TRDN: variants seen among roughly 807,000 people sequenced by gnomAD.
The protein encoded by TRDN is triadin in skeletal muscle.
TRDN carries 161 observed loss-of-function variants against 149.7 expected under a neutral mutation model. The observed-to-expected ratio is 1.08, with a 90% CI of 0.95 to 1.23. The LOEUF is 1.23. Among genes scored for constraint, TRDN ranks in the 50% most tolerant of loss-of-function variants. TRDN has a pLI of 0.00. For missense variants in TRDN, 896 were observed against 823.5 expected (o/e 1.09, Z -1.08); for synonymous variants, 294 against 250.5 (o/e 1.17, Z -1.64).
At chr6:123,621,215 A>C (rs1010527299) in intron 1 of TRDN, among the ~76,000 whole-genome samples, 32 of 152,138 alleles carry the variant, frequency 2.1e-4, no homozygotes, top group African/African-American at 6.0e-4. Flanking sequence ...AACTCTGAGA[A>C]GTCCTTAGGA....
chr6:123,399,246 AC>A (rs1772860728), intron 12 of TRDN, among the ~76,000 whole-genome samples: 1 of 152,172 alleles, frequency 6.6e-6, no homozygotes, highest in Non-Finnish European at 1.5e-5. Context: ...GCATAGGAAA[AC>A]AGAAAATGAT....
At chr6:123,464,299 T>A in intron 10 of TRDN, 1 of 984,856 alleles carries the variant, frequency 1.0e-6, no homozygotes, top group Non-Finnish European at 1.2e-6. Context: ...AGACATCATA[T>A]TTTCAAGAAT....
chr6:123,411,327 G>A (rs1368254453), intron 12 of TRDN, among the ~76,000 whole-genome samples: 3 of 152,046 alleles, frequency 2.0e-5, no homozygotes, highest in Non-Finnish European at 4.4e-5. Context: ...TTAGAAGCAT[G>A]AGCCACCGCA....
chr6:123,470,112 A>G (rs1777068139), intron 9 of TRDN: 1 of 152,094 alleles, frequency 6.6e-6, no homozygotes, highest in South Asian at 2.1e-4. Context: ...CCGTACCCTT[A>G]TTCTTTTATT....
intron 1 of TRDN, among the ~76,000 whole-genome samples, chr6:123,585,546 G>A (rs1783429517): frequency 6.6e-6 from 1 of 152,200 alleles, no homozygotes; most frequent in Non-Finnish European, 1.5e-5. Flanking sequence ...CGATTGGGCA[G>A]CGTCAGTCTT....
At chr6:123,356,247 C>T (rs1780666746) in intron 20 of TRDN, among the ~76,000 whole-genome samples, 1 of 151,316 alleles carries the variant, frequency 6.6e-6, no homozygotes, top group African/African-American at 2.4e-5. Context: ...ATGATGTTTG[C>T]TAATGGTTTT....
rs1197504661 is a variant in TRDN, at chr6:123,366,125, C to A, written c.1321+10G>T. 6.2e-7 allele frequency: 1 copy of A among 1,608,438 alleles called. No individual in the cohort carries two copies. ...TAGTTATGACATCTTTATCTTTAAG[C>A]TGCATTTACCTTTTTTAATTGAAAC... On this transcript the variant is annotated intron_variant, in intron 20 of 40. Coordinates refer to ENST00000334268, the MANE Select transcript of TRDN (RefSeq NM_006073.4).
At chr6:123,521,326 G>T (rs956291597) in intron 5 of TRDN, among the ~76,000 whole-genome samples, 1 of 152,138 alleles carries the variant, frequency 6.6e-6, no homozygotes, top group South Asian at 2.1e-4. Flanking sequence ...CATGAGGCTA[G>T]TCCCTAATCC....
At chr6:123,232,580 C>T (rs1775645648) in intron 38 of TRDN, among the ~76,000 whole-genome samples, 1 of 151,878 alleles carries the variant, frequency 6.6e-6, no homozygotes, top group East Asian at 1.9e-4. Context: ...GTAGGAGAAA[C>T]TCTTATGGTA....
chr6:123,599,788 ACTCTAGACATC>A (rs1784199053), intron 1 of TRDN, among the ~76,000 whole-genome samples: 1 of 151,262 alleles, frequency 6.6e-6, no homozygotes, highest in Non-Finnish European at 1.5e-5. Context: ...CACAAATAAA[ACTCTAGACATC>A]CTCACACTTT....
At chr6:123,365,175 C>G (rs1424210967) in intron 20 of TRDN, among the ~76,000 whole-genome samples, 2 of 152,072 alleles carry the variant, frequency 1.3e-5, no homozygotes, top group African/African-American at 4.8e-5. Flanking sequence ...AAGAGAGCAT[C>G]TATTAATTTC....
Position 123,587,763 on chromosome 6 carries a change from A to AG in TRDN, c.23-16632dup, listed in dbSNP as rs1350809801. On this transcript the variant is annotated intron_variant, in intron 1 of 40. Coordinates refer to ENST00000334268, the MANE Select transcript of TRDN (RefSeq NM_006073.4). ...ATAGGATTTGGGTAGGTAAAGCAAA[A>AG]GGGGGGGTTGTTCTCTGGCAGGCAG... Among the ~76,000 whole-genome samples, 14 of 121,548 alleles carry AG rather than the reference A, an allele frequency of 1.2e-4. No individual in the cohort carries two copies. In the East Asian group the frequency reaches 1.9e-3, roughly 17 times the overall value. The allele number at this position is 121,548 out of a possible 152,430, so 79.7% of individuals were successfully genotyped here.
intron 14 of TRDN, among the ~76,000 whole-genome samples, chr6:123,388,060 T>TGAAA: frequency 6.7e-6 from 1 of 150,228 alleles, no homozygotes; most frequent in Non-Finnish European, 1.5e-5. Context: ...AAAAGCGGTA[T>TGAAA]ATAAGCCAGA....
At chr6:123,365,072 A>G (rs1019270696) in intron 20 of TRDN, among the ~76,000 whole-genome samples, 2 of 152,212 alleles carry the variant, frequency 1.3e-5, no homozygotes, top group Non-Finnish European at 2.9e-5. Context: ...AAAAACTGAC[A>G]TCACAAATAT....
chr6:123,423,023 A>G (rs1261887161), intron 12 of TRDN, among the ~76,000 whole-genome samples: 2 of 152,160 alleles, frequency 1.3e-5, no homozygotes, highest in African/African-American at 4.8e-5. Flanking sequence ...CTAGCAAAGC[A>G]GATAAATGTA....
At chr6:123,349,704 G>A in intron 21 of TRDN, 1 of 978,240 alleles carries the variant, frequency 1.0e-6, no homozygotes, top group South Asian at 4.7e-5. Flanking sequence ...AATGGATAAA[G>A]TTTTCTCAGG....
intron 9 of TRDN, among the ~76,000 whole-genome samples, chr6:123,466,154 ATTG>A (rs1193318721): frequency 6.6e-6 from 1 of 152,226 alleles, no homozygotes. Flanking sequence ...CATTCATAAT[ATTG>A]TTAATTTCTT....
intron 23 of TRDN, among the ~76,000 whole-genome samples, chr6:123,322,090 A>G (rs1218084312): frequency 6.6e-6 from 1 of 152,174 alleles, no homozygotes; most frequent in Non-Finnish European, 1.5e-5. Context: ...CCACATCCAT[A>G]TGGTCTTGAC....
At chr6:123,406,686 T>A (rs895939319) in intron 12 of TRDN, among the ~76,000 whole-genome samples, 4 of 152,124 alleles carry the variant, frequency 2.6e-5, no homozygotes, top group Non-Finnish European at 4.4e-5. Context: ...TACATAAATG[T>A]CTCTGCCTTT....
Sources: gnomAD v4.1 joint callset for allele counts (sites outside exome capture counted in the v4.1 genomes callset) on GRCh38, gnomAD v4.1.1 for gene constraint, MANE v1.5 for transcripts, NCBI Gene and HGNC (gene_info 2026-07-23, HGNC 2026-07-21) for gene names.